The following NALF1 variants were observed in gnomAD, a reference collection of about 807,000 sequenced individuals.
NALF1 encodes the protein NALCN channel auxiliary factor 1.
Under a neutral mutation model 48.4 loss-of-function variants are expected in NALF1, and 3 were observed. That is an observed-to-expected ratio of 0.06 (90% CI 0.03 to 0.16). NALF1 has a LOEUF of 0.16. Ranked by LOEUF, NALF1 falls within the 10% of genes least tolerant of loss-of-function variation. The pLI, the probability that NALF1 is intolerant of heterozygous loss-of-function variation, is 1.00. For missense variants in NALF1, 526 were observed against 571.5 expected (o/e 0.92, Z 0.81); for synonymous variants, 262 against 245.7 (o/e 1.07, Z -0.62).
Position 107,450,855 on chromosome 13 carries a change from G to GA in NALF1, c.916-240101dup, listed in dbSNP as rs528418334. ...GCCAATACTAAATATTTAACTAATGGAAAATATAGGCTTTGAATTGGCTGT... is the reference window on the plus strand; with the variant it reads ...GCCAATACTAAATATTTAACTAATGGAAAAATATAGGCTTTGAATTGGCTGT... On this transcript the variant is annotated intron_variant, in intron 1 of 2. Transcript: ENST00000375915. Among the ~76,000 whole-genome samples, 5 of 152,284 alleles carry GA rather than the reference G, an allele frequency of 3.3e-5. No individual in the cohort carries two copies. The East Asian group carries it at 9.6e-4, about 29-fold the overall frequency.
intron 1 of NALF1, among the ~76,000 whole-genome samples, chr13:107,552,032 A>G (rs1226544518): frequency 6.6e-6 from 1 of 152,170 alleles, no homozygotes; most frequent in African/African-American, 2.4e-5. Flanking sequence ...AAAATTATGA[A>G]AGTAAACAGA....
At chr13:107,243,323 C>T (rs1182632255) in intron 1 of NALF1, among the ~76,000 whole-genome samples, 1 of 152,212 alleles carries the variant, frequency 6.6e-6, no homozygotes, top group African/African-American at 2.4e-5. Flanking sequence ...AAGATCTCAA[C>T]TTAAATGTCA....
chr13:107,664,822 T>C (rs550593980), intron 1 of NALF1, among the ~76,000 whole-genome samples: 1 of 152,302 alleles, frequency 6.6e-6, no homozygotes, highest in African/African-American at 2.4e-5. Context: ...TTTCTGTAAG[T>C]ACTACTGCAG....
chr13:107,623,496 GA>G (rs1879587336), intron 1 of NALF1, among the ~76,000 whole-genome samples: 2 of 151,708 alleles, frequency 1.3e-5, no homozygotes, highest in Admixed American at 6.6e-5. Context: ...AGTTCCTCCT[GA>G]AAATGTTTAG....
chr13:107,866,541 A>C lies in NALF1; in HGVS notation c.56T>G (p.Leu19Trp). ...TTTCTCGTTCTCTCGGGGTGCTGCC[A>C]ACCAGATTTTTAAGCCGTCGTCATA... The part of the protein sequence containing the change: ...RQYDDGLKIW[L>W]AAPRENEKPF... Residue 19 changes from leucine (L) to tryptophan (W), a missense_variant, in exon 1 of 3, where the codon TTG becomes TGG. Transcript: ENST00000375915. This position sits in a 1 kb window ranked among gnomAD's most constrained non-coding sequence, Gnocchi z 4.4. 6.2e-7 allele frequency: 1 copy of C among 1,613,314 alleles called. No individual in the cohort carries two copies. Among genetic ancestry groups the C allele is most frequent in the African/African-American group, 1.3e-5 (1 of 75,006 alleles).
Position 107,167,211 on chromosome 13 carries a change from T to TTTGCTTGCAGAAAAAA in NALF1, c.*3285_*3286insTTTTTTCTGCAAGCAA, listed in dbSNP as rs1270598838. The TTTGCTTGCAGAAAAAA allele has an allele frequency of 2.0e-5, 3 of 149,904 alleles. No individual in the cohort carries two copies. The highest frequency in any genetic ancestry group is 7.6e-5 in the African/African-American group (3 of 39,264). The allele number at this position is 149,904 out of a possible 1,614,324, so 9.3% of individuals were successfully genotyped here. ...TCAACTTGCTTGCAGAAATAATTAT[T>TTTGCTTGCAGAAAAAA]TTAATATTGTAGTTCATTAGCCAGT... is the stretch of plus-strand genomic sequence containing the variant. On this transcript the variant is annotated 3_prime_UTR_variant, in exon 3 of 3. Transcript: ENST00000375915.
At chr13:107,450,559 G>A (rs1361309812) in intron 1 of NALF1, among the ~76,000 whole-genome samples, 1 of 152,194 alleles carries the variant, frequency 6.6e-6, no homozygotes, top group Non-Finnish European at 1.5e-5. Flanking sequence ...GCTTCCTGGA[G>A]TACTTCCAAG....
intron 1 of NALF1, among the ~76,000 whole-genome samples, chr13:107,508,849 A>G (rs1014049105): frequency 6.6e-6 from 1 of 152,160 alleles, no homozygotes; most frequent in African/African-American, 2.4e-5. Context: ...ATTAAAAAAA[A>G]AACAAAAACA....
intron 1 of NALF1, among the ~76,000 whole-genome samples, chr13:107,786,311 G>A (rs1229067667): frequency 7.3e-5 from 11 of 150,424 alleles, no homozygotes; most frequent in Admixed American, 6.6e-4. Context: ...AGCTACTTAG[G>A]AGGCTGAGAC....
chr13:107,330,205 G>T (rs1882442848), intron 1 of NALF1, among the ~76,000 whole-genome samples: 1 of 152,158 alleles, frequency 6.6e-6, no homozygotes, highest in African/African-American at 2.4e-5. Flanking sequence ...AAATTGAGGT[G>T]GCTGGCTGCT....
intron 1 of NALF1, among the ~76,000 whole-genome samples, chr13:107,748,222 G>A (rs1876837718): frequency 6.6e-6 from 1 of 152,134 alleles, no homozygotes; most frequent in Non-Finnish European, 1.5e-5. Flanking sequence ...TAGTCAATCT[G>A]CTGTCTCAGT....
intron 1 of NALF1, among the ~76,000 whole-genome samples, chr13:107,521,665 G>A (rs1019055306): frequency 2.6e-5 from 4 of 152,086 alleles, no homozygotes; most frequent in African/African-American, 7.2e-5. Flanking sequence ...CAGGTATATC[G>A]TATGTGCTTC....
intron 1 of NALF1, among the ~76,000 whole-genome samples, chr13:107,230,869 G>A (rs1432522746): frequency 6.6e-6 from 1 of 151,982 alleles, no homozygotes; most frequent in Non-Finnish European, 1.5e-5. Context: ...AGACCAGCTT[G>A]GGGAACATAG....
intron 1 of NALF1, among the ~76,000 whole-genome samples, chr13:107,472,363 C>T (rs1885114614): frequency 6.6e-6 from 1 of 152,034 alleles, no homozygotes; most frequent in South Asian, 2.1e-4. Flanking sequence ...CTTCAGATAA[C>T]ACTGGGGCTG....
intron 1 of NALF1, among the ~76,000 whole-genome samples, chr13:107,705,312 T>A (rs1881920646): frequency 1.3e-5 from 2 of 152,340 alleles, no homozygotes; most frequent in Admixed American, 6.5e-5. Context: ...CAGTGCAGGA[T>A]GCAGTCATTA....
chr13:107,536,249 C>G (rs558881158), intron 1 of NALF1, among the ~76,000 whole-genome samples: 1 of 152,228 alleles, frequency 6.6e-6, no homozygotes, highest in Admixed American at 6.5e-5. Flanking sequence ...AACTAAAGAG[C>G]TCCTGCACAG....
intron 1 of NALF1, among the ~76,000 whole-genome samples, chr13:107,642,701 C>T (rs1231309695): frequency 6.6e-6 from 1 of 152,088 alleles, no homozygotes; most frequent in Non-Finnish European, 1.5e-5. Context: ...ATCACAAAGA[C>T]CCACGTTAGA....
Position 107,167,763 on chromosome 13 carries a change from TG to T in NALF1, c.*2733del, listed in dbSNP as rs11340198. The T allele has an allele frequency of 0.67, 99,891 of 149,878 alleles. 33,477 individuals are homozygous for T. Among genetic ancestry groups the T allele is most frequent in the African/African-American group, 0.75 (30,610 of 40,616 alleles). 9.3% of individuals were successfully genotyped at this position (149,878 alleles called of 1,614,324 possible). A position where few individuals can be genotyped will look rare whatever the true frequency, so the allele number is the denominator to read the frequency against. On this transcript the variant is annotated 3_prime_UTR_variant, in exon 3 of 3. Transcript: ENST00000375915. ...CAACTTTCAAAGCTGTGTTTTTTTT[TG>T]GGGGGTGGGGGGCAGTGTGTACCTC...
chr13:107,668,004 G>A (rs1305292914), intron 1 of NALF1, among the ~76,000 whole-genome samples: 2 of 152,016 alleles, frequency 1.3e-5, no homozygotes, highest in Non-Finnish European at 2.9e-5. Flanking sequence ...GGAAAAATAT[G>A]TGTCCATGTG....
Sources: gnomAD v4.1 joint callset for allele counts (sites outside exome capture counted in the v4.1 genomes callset) on GRCh38, gnomAD v4.1.1 for gene constraint, Gnocchi (gnomAD v3.1) non-coding constraint, MANE v1.5 for transcripts, NCBI Gene and HGNC (gene_info 2026-07-23, HGNC 2026-07-21) for gene names.